COX7A1: variants seen among roughly 807,000 people sequenced by gnomAD.
COX7A1 encodes cytochrome c oxidase subunit 7A1, mitochondrial.
A neutral mutation model predicts 13.2 loss-of-function variants in COX7A1; 21 were observed. The ratio of observed to expected loss-of-function variants is 1.59; its 90% CI spans 1.13 to 2.29. The LOEUF (loss-of-function observed/expected upper bound fraction) is 2.29, where lower values mean the gene tolerates loss of function less well. Ranked by LOEUF, COX7A1 falls within the 30% of genes most tolerant of loss-of-function variation. The pLI is 0.00. For synonymous variants in COX7A1, 41 were observed against 41.9 expected, an observed-to-expected ratio of 0.98 and a Z score of 0.08; for missense variants, 107 against 100.0, an observed-to-expected ratio of 1.07 and a Z score of -0.30.
In COX7A1 at chr19:36,151,482, G is replaced by C; in HGVS notation, c.167C>G (p.Thr56Arg). 1 of 1,614,190 alleles carries C rather than the reference G, an allele frequency of 6.2e-7. No homozygotes were observed. The highest frequency in any genetic ancestry group is 8.5e-7 in the Non-Finnish European group (1 of 1,180,024). The stretch of plus-strand genomic sequence containing the variant: ...CTCACCGCCCAGACACAGCGTCATT[G>C]TCACTCGGTACAGGATGTTGTCAAC... ...GIVDNILYRV[T>R]MTLCLGGTVY... is the part of the protein sequence containing the mutation. Residue 56 changes from threonine (T) to arginine (R), a missense_variant, in exon 3 of 4, where the codon ACA becomes AGA. Coordinates refer to ENST00000292907, the MANE Select transcript of COX7A1 (RefSeq NM_001864.4).
chr19:36,151,650 A>ACCCCCCCCCCCCCCCC lies in COX7A1; in HGVS notation c.102+18_102+19insGGGGGGGGGGGGGGGG. On this transcript the variant is annotated intron_variant, in intron 2 of 3. Coordinates refer to ENST00000292907, the MANE Select transcript of COX7A1 (RefSeq NM_001864.4). ...CTCCCGGCTGGCGCGTCGGATCCCC[A>ACCCCCCCCCCCCCCCC]CCCCCCCCGACCCCCCACCTGGAAG... 9.3e-7 allele frequency: 1 copy of ACCCCCCCCCCCCCCCC among 1,078,302 alleles called. No individual in the cohort carries two copies. Among genetic ancestry groups the ACCCCCCCCCCCCCCCC allele is most frequent in the Non-Finnish European group, 1.3e-6 (1 of 775,876 alleles). 66.8% of individuals were successfully genotyped at this position (1,078,302 alleles called of 1,614,324 possible). A position where few individuals can be genotyped will look rare whatever the true frequency, so the allele number is the denominator to read the frequency against.
intron 3 of COX7A1, among the ~76,000 whole-genome samples, chr19:36,151,251 C>A (rs542049794): frequency 6.6e-6 from 1 of 152,236 alleles, no homozygotes; most frequent in East Asian, 1.9e-4. Context: ...TGGGCCTCAG[C>A]CCCACCACTA....
chr19:36,151,005 A>C lies in COX7A1; in HGVS notation c.217T>G (p.Trp73Gly). The C allele has an allele frequency of 6.2e-7, 1 of 1,614,064 alleles. No individual in the cohort carries two copies. The highest frequency in any genetic ancestry group is 8.5e-7 in the Non-Finnish European group (1 of 1,179,970). The change falls in exon 4 of 4, where the codon TGG (tryptophan) becomes GGG (glycine). Residue 73 changes from tryptophan to glycine, a missense_variant. Transcript: ENST00000292907. ...TCTTAATTCCTGGGGAAGGAGGCCC[A>C]GCCAAGGGAGTACAAGCTGTAGACA... ...GTVYSLYSLG[W>G]ASFPRN
chr19:36,152,378 C>G lies in COX7A1; in HGVS notation c.15+15G>C. The stretch of plus-strand genomic sequence containing the variant: ...TCTGGGTGGGGGGCTCCGGCCCAGC[C>G]CATGGGGGCCTCACCCGAAGGGCCT... On this transcript the variant is annotated intron_variant, in intron 1 of 3. Coordinates refer to ENST00000292907, the MANE Select transcript of COX7A1 (RefSeq NM_001864.4). The G allele has an allele frequency of 7.4e-7, 1 of 1,350,022 alleles. No individual in the cohort carries two copies. The allele number at this position is 1,350,022 out of a possible 1,614,324, so 83.6% of individuals were successfully genotyped here. A position where few individuals can be genotyped will look rare whatever the true frequency, so the allele number is the denominator to read the frequency against.
chr19:36,151,618 C>T (rs759703484), intron 2 of COX7A1, 51 bp downstream of exon 2: 11 of 1,609,476 alleles, frequency 6.8e-6, no homozygotes, highest in Admixed American at 3.4e-5. Flanking sequence ...TGCCCCGGCT[C>T]GGCGCGCTCC....
At chr19:36,151,842 G>T in intron 1 of COX7A1, 87 bp from the exon 2 acceptor site, 2 of 1,177,110 alleles carry the variant, frequency 1.7e-6, no homozygotes, top group Admixed American at 2.0e-5. Flanking sequence ...TGGACGTGGG[G>T]ACAGCCCCAT....
chr19:36,151,134 C>T lies in COX7A1; in HGVS notation c.188-100G>A, dbSNP rs140339782. ...AGGCTCCCTGGTTCCCAGCCTGGAC[C>T]CCAGCTCTAGTTCGGACTCCAGCTC... is the stretch of plus-strand genomic sequence containing the variant. On this transcript the variant is annotated intron_variant, in intron 3 of 3. Transcript: ENST00000292907. The T allele has an allele frequency of 1.2e-3, 1,516 of 1,257,170 alleles. 15 individuals carry two copies. The African/African-American group carries it at 0.02, about 17-fold the overall frequency. The allele number at this position is 1,257,170 out of a possible 1,614,324, so 77.9% of individuals were successfully genotyped here.
chr19:36,151,544 C>T lies in COX7A1; in HGVS notation c.105G>A (p.Glu35=), dbSNP rs1974769067. 7 of 1,614,062 alleles carry T rather than the reference C, an allele frequency of 4.3e-6. No individual in the cohort carries two copies. In the East Asian group the frequency reaches 1.1e-4, roughly 26 times the overall value. Residue 35 remains glutamate (E), a splice_region_variant and synonymous_variant, in exon 3 of 4, where the codon GAG becomes GAA. Coordinates refer to ENST00000292907, the MANE Select transcript of COX7A1 (RefSeq NM_001864.4). ...TCAGGTACAACGGGATGTCATTGTCCTCCTGGATGTGGGGGTGTCTGATGA... is the reference window on the plus strand; with the variant it reads ...TCAGGTACAACGGGATGTCATTGTCTTCCTGGATGTGGGGGTGTCTGATGA... ...RVREKQKLFQ[E]DNDIPLYLKG... is the part of the protein sequence containing the mutation.
chr19:36,151,009 A>T lies in COX7A1; in HGVS notation c.213T>A (p.Leu71=). Residue 71 remains leucine, a synonymous_variant, in exon 4 of 4, where the codon CTT becomes CTA. Coordinates refer to ENST00000292907, the MANE Select transcript of COX7A1 (RefSeq NM_001864.4). ...LGGTVYSLYS[L]GWASFPRN ...AATTCCTGGGGAAGGAGGCCCAGCC[A>T]AGGGAGTACAAGCTGTAGACAGTGC... 6 of 1,614,020 alleles carry T rather than the reference A, an allele frequency of 3.7e-6. No homozygotes were observed. The highest frequency in any genetic ancestry group is 5.1e-6 in the Non-Finnish European group (6 of 1,179,950).
chr19:36,151,659 G>GC lies in COX7A1; in HGVS notation c.102+9_102+10insG, dbSNP rs112834485. ...GGCGCGTCGGATCCCCACCCCCCCCGACCCCCCACCTGGAAGAGCTTCTGT... is the reference window on the plus strand; with the variant it reads ...GGCGCGTCGGATCCCCACCCCCCCCGCACCCCCCACCTGGAAGAGCTTCTGT... On this transcript the variant is annotated intron_variant, in intron 2 of 3. Transcript: ENST00000292907. The GC allele has an allele frequency of 0.49, 631,094 of 1,292,348 alleles. 106,495 individuals carry two copies. The highest frequency in any genetic ancestry group is 0.75 in the East Asian group (30,404 of 40,580). The allele number at this position is 1,292,348 out of a possible 1,614,324, so 80.1% of individuals were successfully genotyped here. A position where few individuals can be genotyped will look rare whatever the true frequency, so the allele number is the denominator to read the frequency against.
Position 36,151,455 on chromosome 19 carries a change from C to T in COX7A1, c.187+7G>A. On this transcript the variant is annotated splice_region_variant and intron_variant, in intron 3 of 3. Coordinates refer to ENST00000292907, the MANE Select transcript of COX7A1 (RefSeq NM_001864.4). ...TCCCCCGCAGCCCAGACGGGCCCTG[C>T]GCTCACCGCCCAGACACAGCGTCAT... The T allele has an allele frequency of 6.2e-7, 1 of 1,613,990 alleles. No homozygotes were observed. Among genetic ancestry groups the T allele is most frequent in the Non-Finnish European group, 8.5e-7 (1 of 1,179,910 alleles).
At position 36,151,666 on chromosome 19, in the gene COX7A1, C is replaced by CCCCCCCCCCCG; in HGVS notation, c.102+2_102+3insCGGGGGGGGGG. ...CGGATCCCCACCCCCCCCGACCCCC[C>CCCCCCCCCCCG]ACCTGGAAGAGCTTCTGTTTCTCGC... On this transcript the variant is annotated splice_region_variant and intron_variant, in intron 2 of 3. Coordinates refer to ENST00000292907, the MANE Select transcript of COX7A1 (RefSeq NM_001864.4). 1 of 1,584,894 alleles carries CCCCCCCCCCCG rather than the reference C, an allele frequency of 6.3e-7. No individual in the cohort carries two copies. Among genetic ancestry groups the CCCCCCCCCCCG allele is most frequent in the Non-Finnish European group, 8.6e-7 (1 of 1,162,710 alleles).
At position 36,151,689 on chromosome 19, in the gene COX7A1, C is replaced by G. The variant is rs555443322; in HGVS notation, c.82G>C (p.Glu28Gln). 6.7e-6 allele frequency: 8 copies of G among 1,185,334 alleles called. No individual in the cohort carries two copies. The highest frequency in any genetic ancestry group is 6.3e-5 in the Admixed American group (3 of 47,656). 73.4% of individuals were successfully genotyped at this position (1,185,334 alleles called of 1,614,324 possible). A position where few individuals can be genotyped will look rare whatever the true frequency, so the allele number is the denominator to read the frequency against. Residue 28 changes from glutamate (E) to glutamine (Q), a missense_variant, in exon 2 of 4, where the codon GAG becomes CAG. Coordinates refer to ENST00000292907, the MANE Select transcript of COX7A1 (RefSeq NM_001864.4). ...ARNRFQNRVR[E>Q]KQKLFQEDND... Reference sequence around the variant, plus strand: ...CCCACCTGGAAGAGCTTCTGTTTCTCGCGCACTCGGTTCTGAAAGCGGTTC... The same window carrying G: ...CCCACCTGGAAGAGCTTCTGTTTCTGGCGCACTCGGTTCTGAAAGCGGTTC...
rs1974766896 is a variant in COX7A1, at chr19:36,151,467, A to C, written c.182T>G (p.Leu61Arg). The change falls in exon 3 of 4, where the codon CTG becomes CGG. Residue 61 changes from leucine (L) to arginine (R), a missense_variant. Physicochemically the swap from Leu to Arg is moderately radical, Grantham distance 102. Coordinates refer to ENST00000292907, the MANE Select transcript of COX7A1 (RefSeq NM_001864.4). The stretch of plus-strand genomic sequence containing the variant: ...CAGACGGGCCCTGCGCTCACCGCCC[A>C]GACACAGCGTCATTGTCACTCGGTA... Reference protein sequence around the residue: ...ILYRVTMTLCLGGTVYSLYSL... With the variant: ...ILYRVTMTLCRGGTVYSLYSL... The C allele has an allele frequency of 6.2e-7, 1 of 1,613,932 alleles. No homozygotes were observed. The highest frequency in any genetic ancestry group is 8.5e-7 in the Non-Finnish European group (1 of 1,180,002).
rs763192376 is a variant in COX7A1, at chr19:36,151,744, C to T, written c.27G>A (p.Ala9=). The change falls in exon 2 of 4, where the codon GCG becomes GCA. Residue 9 remains alanine (A), a synonymous_variant. Coordinates refer to ENST00000292907, the MANE Select transcript of COX7A1 (RefSeq NM_001864.4). MQALRVSQ[A]LIRSFSSTAR... ...CGGTGGAGCTGAAGGAGCGGATCAG[C>T]GCCTGGGACACCTGCGGGGTGGGAG... 3.1e-6 allele frequency: 5 copies of T among 1,598,612 alleles called. No homozygotes were observed. The highest frequency in any genetic ancestry group is 3.4e-6 in the Non-Finnish European group (4 of 1,173,098).
chr19:36,152,210 G>A (rs1190788631), intron 1 of COX7A1, among the ~76,000 whole-genome samples, 183 bp downstream of exon 1: 1 of 152,176 alleles, frequency 6.6e-6, no homozygotes, highest in African/African-American at 2.4e-5. Flanking sequence ...CCGGGGTGGG[G>A]GTCCCCAGTT....
chr19:36,150,923 A>G lies in COX7A1; in HGVS notation c.*59T>C. 1.3e-6 allele frequency: 2 copies of G among 1,542,798 alleles called. No homozygotes were observed. Among genetic ancestry groups the G allele is most frequent in the Non-Finnish European group, 1.8e-6 (2 of 1,115,274 alleles). On this transcript the variant is annotated 3_prime_UTR_variant, in exon 4 of 4. Coordinates refer to ENST00000292907, the MANE Select transcript of COX7A1 (RefSeq NM_001864.4). ...GGTGGACACAAACACAGACACACAC[A>G]GAGGCCAGCGTTTATTGACACTTGT...
Position 36,150,958 on chromosome 19 carries a change from T to C in COX7A1, c.*24A>G, listed in dbSNP as rs1302281708. On this transcript the variant is annotated 3_prime_UTR_variant, in exon 4 of 4. Coordinates refer to ENST00000292907, the MANE Select transcript of COX7A1 (RefSeq NM_001864.4). ...GTTTATTGACACTTGTTCAAGTCTC[T>C]CAGGCCCCCCAGGCTTCTTGGTCTT... is the stretch of plus-strand genomic sequence containing the variant. The C allele has an allele frequency of 1.2e-6, 2 of 1,612,380 alleles. No individual in the cohort carries two copies. Among genetic ancestry groups the C allele is most frequent in the Admixed American group, 1.7e-5 (1 of 60,010 alleles).
rs3214131 is a variant in COX7A1 at position 36,151,660 on chromosome 19, A to ACCCCC, written c.102+4_102+8dup. 65 of 1,114,456 alleles carry ACCCCC rather than the reference A, an allele frequency of 5.8e-5. No individual in the cohort carries two copies. The highest frequency in any genetic ancestry group is 2.4e-4 in the African/African-American group (15 of 63,586). 69.0% of individuals were successfully genotyped at this position (1,114,456 alleles called of 1,614,324 possible). On this transcript the variant is annotated intron_variant, in intron 2 of 3. Transcript: ENST00000292907. ...GCGCGTCGGATCCCCACCCCCCCCG[A>ACCCCC]CCCCCCACCTGGAAGAGCTTCTGTT... is the stretch of plus-strand genomic sequence containing the variant.
Sources: allele counts gnomAD v4.1 joint callset (sites outside exome capture counted in the v4.1 genomes callset), GRCh38; gene constraint gnomAD v4.1.1; transcripts MANE v1.5; gene names NCBI Gene and HGNC (gene_info 2026-07-23, HGNC 2026-07-21).